Variants in TRPM4 observed in about 807,000 individuals in gnomAD.
TRPM4 encodes calcium-activated non-selective cation channel 1.
TRPM4 carries 124 observed loss-of-function variants against 135.6 expected under a neutral mutation model. The observed-to-expected ratio is 0.91, with a 90% CI of 0.79 to 1.06. The LOEUF (loss-of-function observed/expected upper bound fraction) is 1.06. Ranked by LOEUF, TRPM4 falls within the 50% of genes least tolerant of loss-of-function variation. The probability of loss-of-function intolerance (pLI) is 0.00; values close to 1 mark genes in which losing one functional copy is unlikely to be tolerated. For missense variants in TRPM4, 1,658 were observed against 1,671.4 expected (o/e 0.99, Z 0.14); for synonymous variants, 745 against 705.6 (o/e 1.06, Z -0.88).
intron 9 of TRPM4, 37 bp downstream of exon 9, chr19:49,172,145 G>T (rs1967489313): frequency 6.6e-7 from 1 of 1,521,682 alleles, no homozygotes; most frequent in African/African-American, 1.4e-5. Context: ...CCCTCTCTCA[G>T]TTCAACCTTA....
In TRPM4 at chr19:49,202,461, C is replaced by T. The variant is rs78443858; in HGVS notation, c.3131+320C>T. On this transcript the variant is annotated intron_variant, in intron 20 of 24. Coordinates refer to ENST00000252826, the MANE Select transcript of TRPM4 (RefSeq NM_017636.4). ...TGGACTCAAGCAATCCTCCTGCCTT[C>T]GCCCCATAAGTAGCTGGGACTACTT... is the stretch of plus-strand genomic sequence containing the variant. Among the ~76,000 whole-genome samples the T allele has an allele frequency of 5.5e-3, 834 of 152,044 alleles. 4 individuals are homozygous for T. Among genetic ancestry groups the T allele is most frequent in the South Asian group, 0.038 (182 of 4,816 alleles).
intron 12 of TRPM4, among the ~76,000 whole-genome samples, chr19:49,188,114 G>A (rs1265840936): frequency 1.3e-5 from 2 of 152,164 alleles, no homozygotes; most frequent in Admixed American, 6.5e-5. Flanking sequence ...AGGCAAGATG[G>A]GGGTCTTTGG....
At chr19:49,189,472 C>G (rs994770633) in intron 14 of TRPM4, among the ~76,000 whole-genome samples, 4 of 151,578 alleles carry the variant, frequency 2.6e-5, no homozygotes, top group Non-Finnish European at 5.9e-5. Flanking sequence ...ACAGGAAGTC[C>G]TTTCCACTTC....
rs1014923002 is a variant in TRPM4, at chr19:49,189,167, T to C, written c.2019+76T>C. The C allele has an allele frequency of 1.9e-5, 31 of 1,596,234 alleles. No individual in the cohort carries two copies. In the African/African-American group the frequency reaches 3.5e-4, roughly 18 times the overall value. On this transcript the variant is annotated intron_variant, in intron 14 of 24. Coordinates refer to ENST00000252826, the MANE Select transcript of TRPM4 (RefSeq NM_017636.4). ...GAAGTATGGGGATGAGCCCCTGCCA[T>C]TGGGAACATCTATGGTCTTGACCAG... is the stretch of plus-strand genomic sequence containing the variant.
chr19:49,188,214 G>A (rs764931448), intron 12 of TRPM4, among the ~76,000 whole-genome samples: 1 of 152,176 alleles, frequency 6.6e-6, no homozygotes, highest in Non-Finnish European at 1.5e-5. Flanking sequence ...AGGAATGAGC[G>A]AGGACAGCTT....
chr19:49,157,819 G>A lies in TRPM4; in HGVS notation c.-48G>A, dbSNP rs1049834360. On this transcript the variant is annotated 5_prime_UTR_variant, in exon 1 of 25. Coordinates refer to ENST00000252826, the MANE Select transcript of TRPM4 (RefSeq NM_017636.4). ...GGGTCTGGAAGCAGAGCCGGCGGAG[G>A]GAGCGCCGGGGCCCTGGGCTGCAGG... 2.6e-5 allele frequency: 40 copies of A among 1,533,450 alleles called. No individual in the cohort carries two copies. In the Admixed American group the frequency reaches 5.3e-4, roughly 20 times the overall value. 95.0% of individuals were successfully genotyped at this position (1,533,450 alleles called of 1,614,324 possible). A position where few individuals can be genotyped will look rare whatever the true frequency, so the allele number is the denominator to read the frequency against.
At chr19:49,206,742 T>C (rs1969168505) in intron 20 of TRPM4, among the ~76,000 whole-genome samples, 1 of 152,184 alleles carries the variant, frequency 6.6e-6, no homozygotes, top group Admixed American at 6.6e-5. Context: ...CCCGGCCAGT[T>C]GTTGGAATTT....
intron 3 of TRPM4, among the ~76,000 whole-genome samples, chr19:49,166,908 G>GTCCCCATCTCTCTGGGTC (rs1967211559): frequency 7.1e-6 from 1 of 140,386 alleles, no homozygotes; most frequent in Non-Finnish European, 1.5e-5. Context: ...CTGGGTCTCT[G>GTCCCCATCTCTCTGGGTC]TCTGTTTCTC....
rs1025858966 is a variant in TRPM4 at position 49,157,828 on chromosome 19, G to C, written c.-39G>C. On this transcript the variant is annotated 5_prime_UTR_variant, in exon 1 of 25. Transcript: ENST00000252826. ...AGCAGAGCCGGCGGAGGGAGCGCCG[G>C]GGCCCTGGGCTGCAGGAGGTTGCGG... is the stretch of plus-strand genomic sequence containing the variant. The C allele has an allele frequency of 7.2e-6, 11 of 1,533,652 alleles. No individual in the cohort carries two copies. In the South Asian group the frequency reaches 9.5e-5, roughly 13 times the overall value.
intron 9 of TRPM4, among the ~76,000 whole-genome samples, chr19:49,180,544 A>G (rs998023441): frequency 2.0e-5 from 3 of 148,402 alleles, no homozygotes; most frequent in Middle Eastern, 3.2e-3. Flanking sequence ...TTAGGGGCAT[A>G]CCTCCCAGTC....
intron 9 of TRPM4, among the ~76,000 whole-genome samples, chr19:49,179,976 C>A (rs957274619): frequency 6.6e-6 from 1 of 152,176 alleles, no homozygotes; most frequent in Non-Finnish European, 1.5e-5. Flanking sequence ...GAAACTGAGG[C>A]TCCCAAGGTT....
chr19:49,166,806 T>C (rs2122786990), intron 3 of TRPM4, among the ~76,000 whole-genome samples: 1 of 124,378 alleles, frequency 8.0e-6, no homozygotes, highest in Non-Finnish European at 1.7e-5. Context: ...GTTTCCCCTT[T>C]TCTCTGTGTC....
intron 16 of TRPM4, among the ~76,000 whole-genome samples, chr19:49,193,008 T>C (rs1276036266): frequency 6.6e-6 from 1 of 151,992 alleles, no homozygotes; most frequent in African/African-American, 2.4e-5. Flanking sequence ...GATGACGACC[T>C]TGATAACAGC....
At chr19:49,177,562 G>C (rs999812089) in intron 9 of TRPM4, among the ~76,000 whole-genome samples, 3 of 151,906 alleles carry the variant, frequency 2.0e-5, no homozygotes, top group East Asian at 3.9e-4. Context: ...TTCTGACCTC[G>C]TGATCTGCCT....
In TRPM4 at chr19:49,168,280, G is replaced by T. The variant is rs1967308233; in HGVS notation, c.469G>T (p.Gly157Cys). 1 of 1,614,134 alleles carries T rather than the reference G, an allele frequency of 6.2e-7. No homozygotes were observed. The highest frequency in any genetic ancestry group is 8.5e-7 in the Non-Finnish European group (1 of 1,180,036). The change falls in exon 5 of 25, where the codon GGT becomes TGT. Residue 157 changes from glycine (G) to cysteine (C), a missense_variant. This residue lies in a region of TRPM4 where 239 missense variants were observed against 240.1 expected (regional missense o/e 1.00). Coordinates refer to ENST00000252826, the MANE Select transcript of TRPM4 (RefSeq NM_017636.4). ...QSTGAWIVTG[G>C]LHTGIGRHVG... Reference sequence around the variant, plus strand: ...TGTAGGAGCCTGGATTGTCACTGGGGGTCTGCACACGGGCATCGGCCGGCA... The same window carrying T: ...TGTAGGAGCCTGGATTGTCACTGGGTGTCTGCACACGGGCATCGGCCGGCA...
At chr19:49,183,775 C>CTTTTTT (rs112249914) in intron 12 of TRPM4, among the ~76,000 whole-genome samples, 26 of 124,180 alleles carry the variant, frequency 2.1e-4, no homozygotes, top group Non-Finnish European at 3.4e-4. Context: ...TTTTCTTTTT[C>CTTTTTT]TTTTTTTTTT....
intron 6 of TRPM4, among the ~76,000 whole-genome samples, chr19:49,169,536 C>T (rs1967373243): frequency 6.6e-6 from 1 of 151,052 alleles, no homozygotes; most frequent in Non-Finnish European, 1.5e-5. Context: ...CTGCTTTGGC[C>T]TCCCGAAGTG....
At position 49,158,184 on chromosome 19, in the gene TRPM4, G is replaced by A. The variant is rs1186300076; in HGVS notation, c.25-8G>A. On this transcript the variant is annotated splice_region_variant and splice_polypyrimidine_tract_variant and intron_variant, in intron 1 of 24. Coordinates refer to ENST00000252826, the MANE Select transcript of TRPM4 (RefSeq NM_017636.4). Reference sequence around the variant, plus strand: ...CACTTCCACCCCTACATTTGTTCCTGTCCCCAGAGCTGGATCCCCAAGATC... The same window carrying A: ...CACTTCCACCCCTACATTTGTTCCTATCCCCAGAGCTGGATCCCCAAGATC... The A allele has an allele frequency of 1.2e-6, 2 of 1,613,594 alleles. No homozygotes were observed. The highest frequency in any genetic ancestry group is 2.7e-5 in the African/African-American group (2 of 74,826).
Position 49,190,263 on chromosome 19 carries a change from C to T in TRPM4, c.2075C>T (p.Ala692Val), listed in dbSNP as rs755095888. ...ATGGCCAGCACTACACCCATCTGGG[C>T]CCTGGTTCTCGCCTTCTTTTGCCCT... is the stretch of plus-strand genomic sequence containing the variant. ...GDMASTTPIW[A>V]LVLAFFCPPL... The change falls in exon 15 of 25, where the codon GCC becomes GTC. Residue 692 changes from alanine (A) to valine (V), a missense_variant. Physicochemically the swap from Ala to Val is moderately conservative, Grantham distance 64. Coordinates refer to ENST00000252826, the MANE Select transcript of TRPM4 (RefSeq NM_017636.4). 5 of 1,614,232 alleles carry T rather than the reference C, an allele frequency of 3.1e-6. No homozygotes were observed. Among genetic ancestry groups the T allele is most frequent in the Non-Finnish European group, 4.2e-6 (5 of 1,180,042 alleles).
Sources: gnomAD v4.1 joint callset for allele counts (sites outside exome capture counted in the v4.1 genomes callset) on GRCh38, gnomAD v4.1.1 for gene constraint, gnomAD v4.1.1 regional missense constraint, MANE v1.5 for transcripts, NCBI Gene and HGNC (gene_info 2026-07-23, HGNC 2026-07-21) for gene names.